The following DMD variants were observed in gnomAD, a reference collection of about 807,000 sequenced individuals.
DMD encodes the protein mutant dystrophin.
DMD carries 63 observed loss-of-function variants against 330.1 expected under a neutral mutation model. The ratio of observed to expected loss-of-function variants is 0.19; its 90% CI spans 0.16 to 0.24. DMD has a LOEUF of 0.24. DMD is among the 10% of genes least tolerant of loss of function. The pLI, the probability that DMD is intolerant of heterozygous loss-of-function variation, is 1.00. For synonymous variants in DMD, 1,223 were observed against 959.8 expected (o/e 1.27, Z -5.07); for missense variants, 3,344 against 2,684.1 (o/e 1.25, Z -5.43).
chrX:31,172,705 GA>G (rs756297246), intron 72 of DMD, among the ~76,000 whole-genome samples: 49 of 111,715 alleles, frequency 4.4e-4, no homozygotes, highest in Non-Finnish European at 8.3e-4. Flanking sequence ...GTTTTCAGAA[GA>G]AAAGCTTCCC....
At chrX:32,846,197 T>A (rs1253352017) in intron 3 of DMD, among the ~76,000 whole-genome samples, 1 of 111,724 alleles carries the variant, frequency 9.0e-6, no homozygotes, top group Non-Finnish European at 1.9e-5. Context: ...GGCAGTTAGT[T>A]TCATCCCTAT....
chrX:32,369,428 G>A (rs1479980037), intron 34 of DMD, among the ~76,000 whole-genome samples: 1 of 111,496 alleles, frequency 9.0e-6, no homozygotes, highest in African/African-American at 3.3e-5. Context: ...TCAGGGTTCA[G>A]CTATCGGCTC....
At chrX:33,247,887 T>C (rs2052695448) in intron 1 of DMD, among the ~76,000 whole-genome samples, 2 of 111,717 alleles carry the variant, frequency 1.8e-5, no homozygotes, top group South Asian at 7.4e-4. Flanking sequence ...TACATAACTA[T>C]GACAAGTTAT....
intron 44 of DMD, among the ~76,000 whole-genome samples, chrX:32,083,616 G>A (rs1353638471): frequency 1.8e-5 from 2 of 112,281 alleles, no homozygotes; most frequent in Admixed American, 1.9e-4. Context: ...TGTATAAGGG[G>A]CTCATAGCCA....
At chrX:31,775,570 T>C (rs371611779) in intron 50 of DMD, among the ~76,000 whole-genome samples, 12 of 110,951 alleles carry the variant, frequency 1.1e-4, no homozygotes, top group Admixed American at 1.9e-4. Flanking sequence ...AACCAGAAGA[T>C]TGGTGGCAAA....
intron 1 of DMD, among the ~76,000 whole-genome samples, chrX:33,188,500 GA>G (rs748730820): frequency 1.8e-5 from 2 of 109,131 alleles, no homozygotes; most frequent in South Asian, 4.0e-4. Flanking sequence ...TAACTCAGGG[GA>G]AAAAAAACAG....
intron 1 of DMD, among the ~76,000 whole-genome samples, chrX:33,039,593 A>T (rs767017707): frequency 4.5e-5 from 5 of 111,771 alleles, no homozygotes; most frequent in Admixed American, 1.9e-4. Context: ...CCATTGGGTG[A>T]TTCACAGATA....
intron 17 of DMD, among the ~76,000 whole-genome samples, chrX:32,541,392 A>C (rs2048466815): frequency 9.0e-6 from 1 of 111,595 alleles, no homozygotes; most frequent in Admixed American, 9.6e-5. Context: ...ATAAGAATCG[A>C]ACCACTGCAT....
At chrX:33,063,531 G>A (rs950362566) in intron 1 of DMD, among the ~76,000 whole-genome samples, 1 of 111,832 alleles carries the variant, frequency 8.9e-6, no homozygotes, top group Non-Finnish European at 1.9e-5. Context: ...GTCAGAGTAA[G>A]TCTTAAGGGA....
intron 1 of DMD, among the ~76,000 whole-genome samples, chrX:33,063,077 A>G (rs1301643460): frequency 8.9e-6 from 1 of 112,304 alleles, no homozygotes; most frequent in African/African-American, 3.2e-5. Flanking sequence ...ATATACTGTT[A>G]TAAGCTGCTT....
At chrX:32,489,357 G>C (rs1209476140) in intron 20 of DMD, among the ~76,000 whole-genome samples, 1 of 110,177 alleles carries the variant, frequency 9.1e-6, no homozygotes, top group Non-Finnish European at 1.9e-5. Context: ...GGGGTGGGGG[G>C]CTAATCCCTT....
At chrX:31,723,077 A>G (rs1416969459) in intron 52 of DMD, among the ~76,000 whole-genome samples, 1 of 107,377 alleles carries the variant, frequency 9.3e-6, no homozygotes, top group African/African-American at 3.4e-5. Flanking sequence ...GTGTGTGTCT[A>G]AATGCTTCTA....
chrX:33,070,016 C>T (rs1026538612), intron 1 of DMD, among the ~76,000 whole-genome samples: 1 of 110,621 alleles, frequency 9.0e-6, no homozygotes, highest in African/African-American at 3.3e-5. Context: ...AAAATTATGC[C>T]GGGATAATTA....
intron 2 of DMD, among the ~76,000 whole-genome samples, chrX:32,882,268 TA>T: frequency 8.9e-6 from 1 of 111,759 alleles, no homozygotes; most frequent in Middle Eastern, 4.6e-3. Context: ...TTAGTAATTC[TA>T]ACCTTTTGTC....
chrX:32,329,690 T>C (rs748727020), intron 41 of DMD, among the ~76,000 whole-genome samples: 2 of 112,597 alleles, frequency 1.8e-5, no homozygotes, highest in African/African-American at 3.2e-5. Flanking sequence ...TTATATGTTA[T>C]AGATAACTGT....
chrX:32,422,767 A>G (rs1389250232), intron 29 of DMD, among the ~76,000 whole-genome samples: 1 of 111,409 alleles, frequency 9.0e-6, no homozygotes, highest in Non-Finnish European at 1.9e-5. Context: ...TCCCTTTTCC[A>G]TTTATCATTT....
intron 30 of DMD, among the ~76,000 whole-genome samples, chrX:32,407,056 T>C (rs1276438419): frequency 1.8e-5 from 2 of 111,155 alleles, no homozygotes; most frequent in African/African-American, 6.6e-5. Context: ...ATTCAGGACA[T>C]AGGCACGGGC....
intron 9 of DMD, among the ~76,000 whole-genome samples, chrX:32,687,729 C>A (rs1234654346): frequency 9.0e-6 from 1 of 110,976 alleles, no homozygotes; most frequent in Non-Finnish European, 1.9e-5. Context: ...CATCTGAGAC[C>A]CAGAATCAAA....
intron 12 of DMD, among the ~76,000 whole-genome samples, chrX:32,604,128 A>T (rs746911964): frequency 8.4e-4 from 93 of 110,840 alleles, no homozygotes; most frequent in African/African-American, 3.0e-3. Flanking sequence ...ACCCAAAAGC[A>T]TAACAAAAAG....
Sources: allele counts gnomAD v4.1 joint callset (sites outside exome capture counted in the v4.1 genomes callset), GRCh38; gene constraint gnomAD v4.1.1; transcripts MANE v1.5; gene names NCBI Gene and HGNC (gene_info 2026-07-23, HGNC 2026-07-21).